INSC: variants seen among roughly 807,000 people sequenced by gnomAD.
The protein encoded by INSC is INSC spindle orientation adaptor protein, also known as protein inscuteable homolog.
A neutral mutation model predicts 58.6 loss-of-function variants in INSC; 67 were observed. That is an observed-to-expected ratio of 1.14 (90% CI 0.94 to 1.40). INSC has a LOEUF of 1.40. INSC is among the 40% of genes most tolerant of loss of function. The probability of loss-of-function intolerance (pLI) is 0.00; values close to 1 mark genes in which losing one functional copy is unlikely to be tolerated. For missense variants in INSC, 714 were observed against 692.0 expected (o/e 1.03, Z -0.36); for synonymous variants, 262 against 276.1 (o/e 0.95, Z 0.51).
chr11:15,264,478 A>C, the INSC span, among the ~76,000 whole-genome samples: 3 of 142,334 alleles, frequency 2.1e-5, no homozygotes, highest in South Asian at 6.7e-4. Flanking sequence ...TGCAGCTGTA[A>C]GACTGAAGTT....
At chr11:15,260,637 T>C in the INSC span, among the ~76,000 whole-genome samples, 1 of 152,184 alleles carries the variant, frequency 6.6e-6, no homozygotes, top group Non-Finnish European at 1.5e-5. Flanking sequence ...TATTATTGTT[T>C]TGTTATTCCT....
chr11:15,125,679 A>G (rs1053416705), intron 1 of INSC, among the ~76,000 whole-genome samples: 3 of 152,172 alleles, frequency 2.0e-5, no homozygotes, highest in African/African-American at 7.2e-5. Flanking sequence ...TATTGCTTTC[A>G]ATAAGTCTTT....
rs557865148 is a variant in INSC at position 15,205,044 on chromosome 11, G to A, written c.819+4095G>A. Among the ~76,000 whole-genome samples the A allele has an allele frequency of 2.4e-4, 37 of 152,088 alleles. 2 individuals carry two copies. Among genetic ancestry groups the A allele is most frequent in the South Asian group, 2.1e-4 (1 of 4,812 alleles). Reference sequence around the variant, plus strand: ...GTCATGGTCTCATTCATTCACTCACGGGAAGTCACTTCGTCTCTGCTTCTT... The same window carrying A: ...GTCATGGTCTCATTCATTCACTCACAGGAAGTCACTTCGTCTCTGCTTCTT... On this transcript the variant is annotated intron_variant, in intron 7 of 12. Coordinates refer to ENST00000379556, the MANE Select transcript of INSC (RefSeq NM_001042536.3).
rs149381813 is a variant in INSC at position 15,241,548 on chromosome 11, G to A, written c.1470+1025G>A. 1,734 of 702,382 alleles carry A rather than the reference G, an allele frequency of 2.5e-3. 16 individuals are homozygous for A. In the African/African-American group the frequency reaches 0.025, roughly 10 times the overall value. The allele number at this position is 702,382 out of a possible 1,614,324, so 43.5% of individuals were successfully genotyped here. A position where few individuals can be genotyped will look rare whatever the true frequency, so the allele number is the denominator to read the frequency against. Reference sequence around the variant, plus strand: ...ATAAATGTTTATGGAATGATTCTGCGTTCCATTCACTGTTCTAGGCTATGG... The same window carrying A: ...ATAAATGTTTATGGAATGATTCTGCATTCCATTCACTGTTCTAGGCTATGG... On this transcript the variant is annotated intron_variant, in intron 12 of 12. Coordinates refer to ENST00000379556, the MANE Select transcript of INSC (RefSeq NM_001042536.3).
chr11:15,241,607 C>A, intron 12 of INSC: 1 of 703,020 alleles, frequency 1.4e-6, no homozygotes, highest in Non-Finnish European at 2.6e-6. Flanking sequence ...ACAAACATCT[C>A]TGCCCTCCTG....
intron 8 of INSC, among the ~76,000 whole-genome samples, chr11:15,224,633 G>T (rs559183814): frequency 4.0e-4 from 61 of 152,302 alleles, no homozygotes; most frequent in African/African-American, 1.4e-3. Context: ...AGTGAAGTTG[G>T]AGCTGAGGGC....
chr11:15,164,704 T>C (rs1849135379), intron 2 of INSC, among the ~76,000 whole-genome samples: 1 of 152,198 alleles, frequency 6.6e-6, no homozygotes, highest in South Asian at 2.1e-4. Context: ...TCTTTCTTCT[T>C]CGTCTCATAA....
intron 10 of INSC, among the ~76,000 whole-genome samples, chr11:15,237,254 T>C (rs1178199191): frequency 1.3e-5 from 2 of 152,146 alleles, no homozygotes. Context: ...AAATATAACA[T>C]CTACAATAGA....
At position 15,175,768 on chromosome 11, in the gene INSC, C is replaced by T; in HGVS notation, c.84C>T (p.Val28=). The T allele has an allele frequency of 3.2e-6, 5 of 1,586,558 alleles. No homozygotes were observed. The highest frequency in any genetic ancestry group is 4.3e-6 in the Non-Finnish European group (5 of 1,160,222). Residue 28 remains valine, a synonymous_variant, in exon 3 of 13, where the codon GTC becomes GTT. Coordinates refer to ENST00000379556, the MANE Select transcript of INSC (RefSeq NM_001042536.3). The part of the protein sequence containing the change: ...QRLHLMQVDS[V]QRWMEDLKLM... ...TACACCTGATGCAGGTGGACTCAGTCCAGCGCTGGATGGAAGATCTGAAGC... is the reference window on the plus strand; with the variant it reads ...TACACCTGATGCAGGTGGACTCAGTTCAGCGCTGGATGGAAGATCTGAAGC...
chr11:15,233,091 T>C (rs1185151527), intron 9 of INSC, among the ~76,000 whole-genome samples: 1 of 152,204 alleles, frequency 6.6e-6, no homozygotes, highest in Non-Finnish European at 1.5e-5. Context: ...TAGCAAAATG[T>C]GATAGAGCCA....
intron 10 of INSC, among the ~76,000 whole-genome samples, chr11:15,238,154 G>A (rs530623435): frequency 2.0e-5 from 3 of 152,114 alleles, no homozygotes; most frequent in Admixed American, 2.0e-4. Context: ...AAGAAAGAGT[G>A]GGTAAAGGCA....
intron 9 of INSC, chr11:15,235,112 C>T (rs186417826): frequency 6.0e-4 from 120 of 199,976 alleles, no homozygotes; most frequent in African/African-American, 2.6e-3. Context: ...TGCCCTCTAA[C>T]GTGACCTTAG....
chr11:15,115,209 G>A (rs899199630), intron 1 of INSC, among the ~76,000 whole-genome samples: 2 of 152,222 alleles, frequency 1.3e-5, no homozygotes, highest in African/African-American at 4.8e-5. Flanking sequence ...GTGCCCCAGG[G>A]TGCGAGTGTG....
chr11:15,116,828 T>TC (rs1186215613), intron 1 of INSC, among the ~76,000 whole-genome samples: 1 of 39,960 alleles, frequency 2.5e-5, no homozygotes, highest in Non-Finnish European at 4.8e-5. Context: ...TTTCTTTCTT[T>TC]CTTTCTTTCT....
the INSC span, among the ~76,000 whole-genome samples, chr11:15,253,286 A>T: frequency 6.6e-6 from 1 of 152,136 alleles, no homozygotes; most frequent in Non-Finnish European, 1.5e-5. Flanking sequence ...TTCTAATATA[A>T]GTTGTAGAAA....
At chr11:15,173,413 G>A (rs1202268234) in intron 2 of INSC, among the ~76,000 whole-genome samples, 1 of 152,184 alleles carries the variant, frequency 6.6e-6, no homozygotes, top group East Asian at 1.9e-4. Context: ...AGTTGGCTGA[G>A]ATTGGAAGGG....
intron 9 of INSC, among the ~76,000 whole-genome samples, chr11:15,232,431 C>T (rs1373351526): frequency 1.3e-5 from 2 of 152,166 alleles, no homozygotes; most frequent in Admixed American, 6.5e-5. Context: ...TATTTATTTA[C>T]TTATTTATTT....
At chr11:15,226,947 T>G (rs1312853325) in intron 9 of INSC, among the ~76,000 whole-genome samples, 1 of 152,236 alleles carries the variant, frequency 6.6e-6, no homozygotes, top group East Asian at 1.9e-4. Context: ...GTCAGTTATT[T>G]CTTATCCTCA....
intron 1 of INSC, among the ~76,000 whole-genome samples, chr11:15,131,141 AT>A (rs1201072605): frequency 6.6e-6 from 1 of 151,706 alleles, no homozygotes. Context: ...GAATTTTCAG[AT>A]TTTTTTCTAA....
Sources: allele counts gnomAD v4.1 joint callset (sites outside exome capture counted in the v4.1 genomes callset), GRCh38; gene constraint gnomAD v4.1.1; transcripts MANE v1.5; gene names NCBI Gene and HGNC (gene_info 2026-07-23, HGNC 2026-07-21).